The following SLC38A4 variants were observed in gnomAD, a reference collection of about 807,000 sequenced individuals.
SLC38A4 encodes sodium-coupled neutral amino acid transporter 4.
A neutral mutation model predicts 63.1 loss-of-function variants in SLC38A4; 20 were observed. That is an observed-to-expected ratio of 0.32 (90% CI 0.22 to 0.46). SLC38A4 has a LOEUF of 0.46. Among genes scored for constraint, SLC38A4 ranks in the 20% least tolerant of loss-of-function variants. SLC38A4 has a pLI of 1.00. For missense variants in SLC38A4, 526 were observed against 663.6 expected (o/e 0.79, Z 2.28); for synonymous variants, 230 against 225.5 (o/e 1.02, Z -0.18).
chr12:46,796,945 C>T (rs995988124), intron 2 of SLC38A4, among the ~76,000 whole-genome samples: 4 of 152,122 alleles, frequency 2.6e-5, no homozygotes, highest in African/African-American at 9.7e-5. Flanking sequence ...GAAAAGCACA[C>T]TTATCTTGGT....
At chr12:46,791,948 G>C (rs75590689) in intron 3 of SLC38A4, among the ~76,000 whole-genome samples, 9,886 of 152,102 alleles carry the variant, frequency 0.065, 373 homozygotes, top group South Asian at 0.14. Context: ...AACAAATAGG[G>C]AGAGGGCAAA....
intron 7 of SLC38A4, among the ~76,000 whole-genome samples, chr12:46,782,798 C>T: frequency 6.7e-6 from 1 of 150,232 alleles, no homozygotes; most frequent in Non-Finnish European, 1.5e-5. Flanking sequence ...AAAAATTAGA[C>T]AAAGGAGTAC....
intron 2 of SLC38A4, among the ~76,000 whole-genome samples, chr12:46,797,653 G>T (rs750858974): frequency 5.9e-5 from 9 of 152,050 alleles, no homozygotes; most frequent in Non-Finnish European, 1.0e-4. Context: ...ATACCTGTCT[G>T]TCTATTTATC....
In SLC38A4 at chr12:46,778,739, G is replaced by T. The variant is rs1938581261; in HGVS notation, c.755C>A (p.Pro252His). Residue 252 changes from proline (P) to histidine (H), a missense_variant, in exon 11 of 17, where the codon CCT becomes CAT. Coordinates refer to ENST00000266579, the MANE Select transcript of SLC38A4 (RefSeq NM_018018.5). ...YKKFQIPCPL[P>H]VLDHSVGNLS... Reference sequence around the variant, plus strand: ...ATTTCCAACACTGTGATCCAAAACAGGTAGAGGGCAGGGTATTTGGAATTT... The same window carrying T: ...ATTTCCAACACTGTGATCCAAAACATGTAGAGGGCAGGGTATTTGGAATTT... 1 of 1,612,698 alleles carries T rather than the reference G, an allele frequency of 6.2e-7. No individual in the cohort carries two copies. Among genetic ancestry groups the T allele is most frequent in the East Asian group, 2.2e-5 (1 of 44,816 alleles).
intron 5 of SLC38A4, among the ~76,000 whole-genome samples, chr12:46,786,573 A>T (rs1375250070): frequency 6.6e-6 from 1 of 152,170 alleles, no homozygotes; most frequent in East Asian, 1.9e-4. Context: ...TGTATAATTA[A>T]TAAGGAAAGG....
intron 1 of SLC38A4, among the ~76,000 whole-genome samples, chr12:46,813,477 A>G (rs112603866): frequency 0.018 from 2,681 of 152,084 alleles, 88 homozygotes; most frequent in African/African-American, 0.062. Flanking sequence ...TTCGGATCCA[A>G]TCCCCACTCT....
At chr12:46,800,837 T>C (rs1939117827) in intron 2 of SLC38A4, among the ~76,000 whole-genome samples, 1 of 152,134 alleles carries the variant, frequency 6.6e-6, no homozygotes, top group South Asian at 2.1e-4. Context: ...GTTATAGTAA[T>C]AGATAGAGGT....
intron 1 of SLC38A4, among the ~76,000 whole-genome samples, chr12:46,816,571 A>G (rs1226285791): frequency 6.6e-6 from 1 of 151,874 alleles, no homozygotes; most frequent in Non-Finnish European, 1.5e-5. Flanking sequence ...CGGGCAGCTG[A>G]TTAGGCCTTC....
At chr12:46,800,730 A>C (rs527449112) in intron 2 of SLC38A4, among the ~76,000 whole-genome samples, 1 of 152,220 alleles carries the variant, frequency 6.6e-6, no homozygotes, top group South Asian at 2.1e-4. Context: ...TGAGAATAGG[A>C]ATGCTGCTGG....
chr12:46,804,036 C>T (rs942463932), intron 1 of SLC38A4, among the ~76,000 whole-genome samples: 1 of 151,952 alleles, frequency 6.6e-6, no homozygotes, highest in Non-Finnish European at 1.5e-5. Context: ...CAAAACAATA[C>T]AGTAACAATA....
chr12:46,807,624 T>C (rs542002928), intron 1 of SLC38A4, among the ~76,000 whole-genome samples: 12 of 152,130 alleles, frequency 7.9e-5, no homozygotes, highest in Admixed American at 2.0e-4. Context: ...TCTTTTAATA[T>C]AGATACTTGC....
intron 2 of SLC38A4, among the ~76,000 whole-genome samples, chr12:46,796,759 G>A (rs376767742): frequency 0.077 from 2,162 of 28,244 alleles, 47 homozygotes; most frequent in African/African-American, 0.098. Context: ...CTCCCTTGAG[G>A]TTTCTTTACA....
chr12:46,786,013 A>G (rs1414258664), intron 5 of SLC38A4, among the ~76,000 whole-genome samples: 1 of 152,064 alleles, frequency 6.6e-6, no homozygotes, highest in Non-Finnish European at 1.5e-5. Flanking sequence ...GTAATTCCCA[A>G]TGAAATCAAT....
At chr12:46,798,968 A>G (rs1939073968) in intron 2 of SLC38A4, among the ~76,000 whole-genome samples, 1 of 152,164 alleles carries the variant, frequency 6.6e-6, no homozygotes, top group South Asian at 2.1e-4. Flanking sequence ...TCCTGGCTGC[A>G]TTAACTAACT....
chr12:46,802,285 G>A (rs1939146128), intron 2 of SLC38A4, among the ~76,000 whole-genome samples: 1 of 152,030 alleles, frequency 6.6e-6, no homozygotes, highest in Non-Finnish European at 1.5e-5. Context: ...TATTAACATA[G>A]TGAACTCTTT....
rs1321494643 is a variant in SLC38A4 at position 46,779,810 on chromosome 12, T to C, written c.628A>G (p.Ile210Val). Reference protein sequence around the residue: ...YLIIFVSVGIILPLSLLKNLG... With the variant: ...YLIIFVSVGIVLPLSLLKNLG... ...TTTTTAAGGAGCGAAAGTGGAAGAATAATTCCAACAGACACAAATATGATG... is the reference window on the plus strand; with the variant it reads ...TTTTTAAGGAGCGAAAGTGGAAGAACAATTCCAACAGACACAAATATGATG... Residue 210 changes from isoleucine (I) to valine (V), a missense_variant, in exon 9 of 17, where the codon ATT (isoleucine) becomes GTT (valine). Physicochemically the swap from Ile to Val is conservative, Grantham distance 29. Transcript: ENST00000266579. The C allele has an allele frequency of 1.2e-6, 2 of 1,611,772 alleles. No homozygotes were observed. Among genetic ancestry groups the C allele is most frequent in the South Asian group, 2.2e-5 (2 of 90,692 alleles).
chr12:46,816,051 T>C (rs1317680060), intron 1 of SLC38A4, among the ~76,000 whole-genome samples: 2 of 151,962 alleles, frequency 1.3e-5, no homozygotes, highest in African/African-American at 4.8e-5. Flanking sequence ...TAATAAAATA[T>C]ATGGACTTGC....
chr12:46,782,401 C>A (rs1329905463), intron 7 of SLC38A4, among the ~76,000 whole-genome samples: 2 of 151,896 alleles, frequency 1.3e-5, no homozygotes, highest in East Asian at 3.9e-4. Context: ...GAATAACATG[C>A]AAATATATTC....
chr12:46,811,977 C>G (rs1442874752), intron 1 of SLC38A4, among the ~76,000 whole-genome samples: 1 of 152,006 alleles, frequency 6.6e-6, no homozygotes, highest in African/African-American at 2.4e-5. Context: ...TTAAGTTAGA[C>G]TCTGAATTTC....
Sources: gnomAD v4.1 joint callset for allele counts (sites outside exome capture counted in the v4.1 genomes callset) on GRCh38, gnomAD v4.1.1 for gene constraint, MANE v1.5 for transcripts, NCBI Gene and HGNC (gene_info 2026-07-23, HGNC 2026-07-21) for gene names.